The following DNAH10 variants were observed in gnomAD, a reference collection of about 807,000 sequenced individuals.
DNAH10 encodes the protein axonemal beta dynein heavy chain 10.
A neutral mutation model predicts 506.6 loss-of-function variants in DNAH10; 348 were observed. That is an observed-to-expected ratio of 0.69 (90% CI 0.63 to 0.75). The LOEUF is 0.75. Ranked by LOEUF, DNAH10 falls within the 30% of genes least tolerant of loss-of-function variation. DNAH10 has a pLI of 0.00. For missense variants in DNAH10, 5,179 were observed against 5,787.1 expected (o/e 0.89, Z 3.41); for synonymous variants, 2,059 against 2,198.6 (o/e 0.94, Z 1.78).
chr12:123,851,605 G>C (rs1951179947), intron 35 of DNAH10, among the ~76,000 whole-genome samples: 1 of 152,234 alleles, frequency 6.6e-6, no homozygotes, highest in Non-Finnish European at 1.5e-5. Context: ...GCCCAAACCA[G>C]GGAGTTGGTG....
At chr12:123,880,337 AT>A (rs1289892345) in intron 50 of DNAH10, among the ~76,000 whole-genome samples, 1 of 151,868 alleles carries the variant, frequency 6.6e-6, no homozygotes, top group African/African-American at 2.4e-5. Flanking sequence ...TTAAGACATT[AT>A]TTATTTATTT....
chr12:123,903,704 G>A lies in DNAH10; in HGVS notation c.9815+591G>A, dbSNP rs1438370976. Among the ~76,000 whole-genome samples the A allele has an allele frequency of 6.6e-6, 1 of 152,204 alleles. No individual in the cohort carries two copies. Among genetic ancestry groups the A allele is most frequent in the African/African-American group, 2.4e-5 (1 of 41,458 alleles). ...GCGTGGGCTAACAAGCTTTCTCCTCGCATGGCTTGGCCTCCCCAGGGCACT... is the reference window on the plus strand; with the variant it reads ...GCGTGGGCTAACAAGCTTTCTCCTCACATGGCTTGGCCTCCCCAGGGCACT... On this transcript the variant is annotated intron_variant, in intron 57 of 78. Coordinates refer to ENST00000673944, the MANE Select transcript of DNAH10 (RefSeq NM_001372106.1). This position sits in a 1 kb window ranked among gnomAD's most constrained non-coding sequence, Gnocchi z 4.6.
intron 19 of DNAH10, among the ~76,000 whole-genome samples, chr12:123,809,707 AC>A (rs1958855894): frequency 6.7e-6 from 1 of 149,384 alleles, no homozygotes; most frequent in South Asian, 2.1e-4. Flanking sequence ...CCTGTTGTAA[AC>A]TGCCCCCACC....
intron 16 of DNAH10, among the ~76,000 whole-genome samples, chr12:123,802,476 T>G (rs1428318490): frequency 6.6e-6 from 1 of 152,150 alleles, no homozygotes; most frequent in Non-Finnish European, 1.5e-5. Flanking sequence ...TGGCTCACTT[T>G]TGTATTTTTA....
chr12:123,763,869 C>CT (rs59694804), intron 1 of DNAH10, among the ~76,000 whole-genome samples: 7,549 of 121,202 alleles, frequency 0.062, 442 homozygotes, highest in African/African-American at 0.17. Context: ...CTGGCCACTT[C>CT]TTTTTTTTTT....
rs1355509778 is a variant in DNAH10 at position 123,909,311 on chromosome 12, T to C, written c.9866T>C (p.Leu3289Pro). The change falls in exon 58 of 79, where the codon CTC becomes CCC. Residue 3289 changes from leucine to proline, a missense_variant. Leu to Pro is a moderately conservative substitution (Grantham distance 98). This residue lies in a region of DNAH10 where 4,844 missense variants were observed against 5,430.5 expected (regional missense o/e 0.89). Coordinates refer to ENST00000673944, the MANE Select transcript of DNAH10 (RefSeq NM_001372106.1). This position sits in a 1 kb window ranked among gnomAD's most constrained non-coding sequence, Gnocchi z 5.4. Reference protein sequence around the residue: ...KQVQTVCECILIMKGYKELNW... With the variant: ...KQVQTVCECIPIMKGYKELNW... ...GTGCAGACGGTCTGCGAATGCATCCTCATCATGAAAGGGTACAAAGAGCTG... is the reference window on the plus strand; with the variant it reads ...GTGCAGACGGTCTGCGAATGCATCCCCATCATGAAAGGGTACAAAGAGCTG... The C allele has an allele frequency of 6.2e-7, 1 of 1,613,370 alleles. No homozygotes were observed. Among genetic ancestry groups the C allele is most frequent in the Non-Finnish European group, 8.5e-7 (1 of 1,179,794 alleles).
rs768612838 is a variant in DNAH10, at chr12:123,931,671, A to G, written c.12952A>G (p.Ile4318Val). 32 of 1,614,006 alleles carry G rather than the reference A, an allele frequency of 2.0e-5. No homozygotes were observed. In the East Asian group the frequency reaches 3.3e-4, roughly 17 times the overall value. Reference sequence around the variant, plus strand: ...CAGTGGTATCAGCCGCGATGATTATATTGGCCAAGTGGCCAAAGAAATAGA... The same window carrying G: ...CAGTGGTATCAGCCGCGATGATTATGTTGGCCAAGTGGCCAAAGAAATAGA... Reference protein sequence around the residue: ...SSSGISRDDYIGQVAKEIENK... With the variant: ...SSSGISRDDYVGQVAKEIENK... Residue 4318 changes from isoleucine (I) to valine (V), a missense_variant, in exon 75 of 79, where the codon ATT (isoleucine) becomes GTT (valine). Coordinates refer to ENST00000673944, the MANE Select transcript of DNAH10 (RefSeq NM_001372106.1).
intron 44 of DNAH10, 66 bp from the exon 45 acceptor site, chr12:123,871,391 A>T (rs1042424941): frequency 1.9e-6 from 3 of 1,539,354 alleles, no homozygotes; most frequent in African/African-American, 2.7e-5. Flanking sequence ...GGACAACTCC[A>T]TGTTGCCCCC....
intron 78 of DNAH10, 87 bp downstream of exon 78, chr12:123,934,853 CTTTTT>C: frequency 6.5e-7 from 1 of 1,528,446 alleles, no homozygotes; most frequent in South Asian, 1.2e-5. Flanking sequence ...AACAGTCCTA[CTTTTT>C]AAAACAGGGG....
At chr12:123,899,988 C>T (rs1181288542) in intron 56 of DNAH10, among the ~76,000 whole-genome samples, 1 of 152,192 alleles carries the variant, frequency 6.6e-6, no homozygotes, top group Non-Finnish European at 1.5e-5. Context: ...TGAAGGGTCC[C>T]ATCAATCCCT....
chr12:123,778,847 C>G (rs1017534909), intron 5 of DNAH10, among the ~76,000 whole-genome samples: 1 of 152,156 alleles, frequency 6.6e-6, no homozygotes, highest in African/African-American at 2.4e-5. Context: ...AAGTGATCCT[C>G]CCATCTCAGC....
Position 123,931,390 on chromosome 12 carries a change from C to G in DNAH10, c.12834C>G (p.Leu4278=). ...CCAACACGCCAGAAGTGTTTGGTCTCCACCCCAACGCTGAGATTGGCTATT... is the reference window on the plus strand; with the variant it reads ...CCAACACGCCAGAAGTGTTTGGTCTGCACCCCAACGCTGAGATTGGCTATT... ...PLANTPEVFG[L]HPNAEIGYYT... is the part of the protein sequence containing the mutation. The change falls in exon 74 of 79, where the codon CTC becomes CTG. Residue 4278 remains leucine (L), a synonymous_variant. Transcript: ENST00000673944. The G allele has an allele frequency of 6.2e-7, 1 of 1,613,958 alleles. No homozygotes were observed. The highest frequency in any genetic ancestry group is 2.2e-5 in the East Asian group (1 of 44,880).
At chr12:123,794,267 A>G (rs953787278) in intron 12 of DNAH10, among the ~76,000 whole-genome samples, 155 bp downstream of exon 12, 3 of 152,224 alleles carry the variant, frequency 2.0e-5, no homozygotes, top group Non-Finnish European at 2.9e-5. Flanking sequence ...AACCCGAACA[A>G]AGTGGGTTTG....
At chr12:123,763,134 A>G (rs1268944313) in intron 1 of DNAH10, among the ~76,000 whole-genome samples, 1 of 152,240 alleles carries the variant, frequency 6.6e-6, no homozygotes, top group Non-Finnish European at 1.5e-5. Flanking sequence ...TTTAAAAACT[A>G]CAGTAGACTT....
chr12:123,853,260 A>G lies in DNAH10; in HGVS notation c.6346A>G (p.Lys2116Glu). The G allele has an allele frequency of 1.2e-6, 2 of 1,611,358 alleles. No individual in the cohort carries two copies. The highest frequency in any genetic ancestry group is 1.7e-6 in the Non-Finnish European group (2 of 1,178,716). ...TAAGCTGGCCCGGGAGCAGCTGTCC[A>G]AGCAGTATCACTATGATTTTGGACT... ...LYKLAREQLS[K>E]QYHYDFGLRA... The change falls in exon 36 of 79, where the codon AAG becomes GAG. Residue 2116 changes from lysine (K) to glutamate (E), a missense_variant. Transcript: ENST00000673944. This position sits in a 1 kb window ranked among gnomAD's most constrained non-coding sequence, Gnocchi z 4.7.
Position 123,935,376 on chromosome 12 carries a change from G to C in DNAH10, c.13665G>C (p.Arg4555Ser), listed in dbSNP as rs374033130. The change falls in exon 79 of 79, where the codon AGG becomes AGC. Residue 4555 changes from arginine to serine, a missense_variant. Arg to Ser is a moderately radical substitution (Grantham distance 110, BLOSUM62 -1). This residue lies in a region of DNAH10 where 4,844 missense variants were observed against 5,430.5 expected (regional missense o/e 0.89). Transcript: ENST00000673944. ...RTPVYTTSMR[R>S]NAMGVGLVFE... ...CCGTCTACACCACCTCCATGAGAAG[G>C]AACGCCATGGGAGTCGGCTTGGTTT... 5.6e-6 allele frequency: 9 copies of C among 1,611,368 alleles called. No individual in the cohort carries two copies. Among genetic ancestry groups the C allele is most frequent in the Middle Eastern group, 3.3e-4 (2 of 6,082 alleles).
chr12:123,884,095 G>T (rs916542140), intron 51 of DNAH10, among the ~76,000 whole-genome samples: 1 of 151,888 alleles, frequency 6.6e-6, no homozygotes, highest in Admixed American at 6.6e-5. Context: ...GTGCAATGAC[G>T]TGATCTCGGC....
At chr12:123,875,174 C>T (rs1288782883) in intron 46 of DNAH10, 57 bp from the exon 47 acceptor site, 3 of 1,542,282 alleles carry the variant, frequency 1.9e-6, no homozygotes, top group Non-Finnish European at 2.6e-6. Flanking sequence ...GCCAACGCCT[C>T]TCTGACTCCT....
chr12:123,912,694 T>C (rs746146457), intron 59 of DNAH10, among the ~76,000 whole-genome samples: 2 of 152,190 alleles, frequency 1.3e-5, no homozygotes, highest in Non-Finnish European at 2.9e-5. Flanking sequence ...ACAAAGAGAA[T>C]AAGGTTAATT....
Sources: allele counts gnomAD v4.1 joint callset (sites outside exome capture counted in the v4.1 genomes callset), GRCh38; gene constraint gnomAD v4.1.1; regional missense constraint gnomAD v4.1.1; non-coding constraint Gnocchi (gnomAD v3.1); transcripts MANE v1.5; gene names NCBI Gene and HGNC (gene_info 2026-07-23, HGNC 2026-07-21).